Variants in TULP4 observed in about 807,000 individuals in gnomAD.
The protein encoded by TULP4 is TUB like protein 4, also known as tubby-related protein 4.
In TULP4, 16 loss-of-function variants were observed where a neutral mutation model predicts 129.0. The observed-to-expected ratio is 0.12, with a 90% CI of 0.08 to 0.19. The LOEUF (loss-of-function observed/expected upper bound fraction) is 0.19. TULP4 is among the 10% of genes least tolerant of loss of function. TULP4 has a pLI of 1.00. For missense variants in TULP4, 1,842 were observed against 2,059.1 expected (o/e 0.89, Z 2.04); for synonymous variants, 998 against 854.0 (o/e 1.17, Z -2.94).
chr6:158,237,480 G>T (rs1376915492), intron 1 of TULP4: 22 of 1,536,640 alleles, frequency 1.4e-5, no homozygotes, highest in Non-Finnish European at 1.9e-5. Context: ...GTCTTGGGGA[G>T]GTGGGTGGGC....
chr6:158,463,649 A>AAAATAT (rs376226640), intron 6 of TULP4, among the ~76,000 whole-genome samples: 1 of 137,810 alleles, frequency 7.3e-6, no homozygotes, highest in African/African-American at 2.7e-5. Flanking sequence ...GTATAATAAA[A>AAAATAT]ATATATATAT....
chr6:158,401,184 C>T (rs1212916965), intron 1 of TULP4, among the ~76,000 whole-genome samples: 1 of 152,010 alleles, frequency 6.6e-6, no homozygotes. Context: ...AGTCATCCTC[C>T]CACCTCAGCC....
chr6:158,468,743 A>G (rs941826398), intron 6 of TULP4, among the ~76,000 whole-genome samples: 1 of 152,204 alleles, frequency 6.6e-6, no homozygotes, highest in Admixed American at 6.5e-5. Flanking sequence ...TAATTCTCAC[A>G]GTTTTGGAGG....
chr6:158,408,162 G>C (rs758593398), intron 1 of TULP4, among the ~76,000 whole-genome samples: 1 of 152,178 alleles, frequency 6.6e-6, no homozygotes, highest in South Asian at 2.1e-4. Flanking sequence ...GCAGTGTACC[G>C]TATGGGCCGG....
chr6:158,376,966 A>T (rs1260021788), intron 1 of TULP4, among the ~76,000 whole-genome samples: 2 of 152,250 alleles, frequency 1.3e-5, no homozygotes, highest in African/African-American at 4.8e-5. Flanking sequence ...TTGATGGAAA[A>T]GTAAAACTGC....
At chr6:158,308,938 C>A, upstream of TULP4, among the ~76,000 whole-genome samples, 1 of 139,290 alleles carries the variant, frequency 7.2e-6, no homozygotes, top group African/African-American at 2.7e-5. Context: ...GGGGGGCTGA[C>A]CCACCCACCT....
intron 1 of TULP4, among the ~76,000 whole-genome samples, chr6:158,333,733 C>T (rs931587917): frequency 5.3e-5 from 8 of 151,976 alleles, no homozygotes; most frequent in East Asian, 3.8e-4. Context: ...ATTAAGAAAA[C>T]GTGTCATGAA....
intron 1 of TULP4, among the ~76,000 whole-genome samples, chr6:158,320,565 A>G (rs1243787180): frequency 2.0e-5 from 3 of 151,276 alleles, no homozygotes; most frequent in South Asian, 2.1e-4. Flanking sequence ...CTGAGTAGCT[A>G]TGATTACAGG....
intron 10 of TULP4, among the ~76,000 whole-genome samples, chr6:158,494,197 G>A (rs1780276452): frequency 6.6e-6 from 1 of 152,162 alleles, no homozygotes; most frequent in Non-Finnish European, 1.5e-5. Context: ...GACACACCTG[G>A]TGTAGAGCTA....
intron 5 of TULP4, among the ~76,000 whole-genome samples, chr6:158,457,887 T>C (rs897362638): frequency 6.6e-6 from 1 of 151,510 alleles, no homozygotes; most frequent in East Asian, 1.9e-4. Context: ...TACGTGCCCC[T>C]TTTTTTCAGT....
rs1305245876 is a variant in TULP4, at chr6:158,502,175, C to T, written c.2512C>T (p.Pro838Ser). Residue 838 changes from proline (P) to serine (S), a missense_variant, in exon 13 of 14, where the codon CCA becomes TCA. Physicochemically the swap from Pro to Ser is moderately conservative, Grantham distance 74 (BLOSUM62 -1). This residue lies in a region of TULP4 where 1,089 missense variants were observed against 987.1 expected (regional missense o/e 1.10). Coordinates refer to ENST00000367097, the MANE Select transcript of TULP4 (RefSeq NM_020245.5). Reference protein sequence around the residue: ...VTKINPPPPYPGTIPAAPTTA... With the variant: ...VTKINPPPPYSGTIPAAPTTA... Reference sequence around the variant, plus strand: ...GAAGATAAACCCTCCACCCCCGTACCCAGGAACCATCCCCGCTGCCCCCAC... The same window carrying T: ...GAAGATAAACCCTCCACCCCCGTACTCAGGAACCATCCCCGCTGCCCCCAC... 2 of 1,559,160 alleles carry T rather than the reference C, an allele frequency of 1.3e-6. No homozygotes were observed. Among genetic ancestry groups the T allele is most frequent in the African/African-American group, 1.4e-5 (1 of 73,584 alleles).
chr6:158,457,080 A>T (rs1437481306), intron 5 of TULP4, among the ~76,000 whole-genome samples: 1 of 152,108 alleles, frequency 6.6e-6, no homozygotes, highest in Admixed American at 6.6e-5. Flanking sequence ...ACTGTTGGAG[A>T]CGGCACATGG....
chr6:158,272,465 C>T (rs1020081666), intron 1 of TULP4, among the ~76,000 whole-genome samples: 3 of 152,124 alleles, frequency 2.0e-5, no homozygotes, highest in African/African-American at 7.2e-5. Context: ...GCTGTGGAAC[C>T]TCAGCATCCC....
intron 3 of TULP4, among the ~76,000 whole-genome samples, chr6:158,444,989 T>G (rs1030247626): frequency 6.6e-6 from 1 of 152,076 alleles, no homozygotes; most frequent in African/African-American, 2.4e-5. Flanking sequence ...ATCTTTTTGT[T>G]TTTTTTAGAG....
At chr6:158,399,675 G>A (rs1161532852) in intron 1 of TULP4, among the ~76,000 whole-genome samples, 5 of 125,980 alleles carry the variant, frequency 4.0e-5, no homozygotes, top group Admixed American at 7.7e-5. Flanking sequence ...CATACATAAC[G>A]CTTATTGAAT....
rs905270552 is a variant in TULP4, at chr6:158,248,069, G to A, written n.68+15766G>A. On this transcript the variant is annotated intron_variant and non_coding_transcript_variant, in intron 1 of 1. Transcript: ENST00000620026. ...TCAGCCAAAGCTGACATTTTCGGCA[G>A]AGTTACTGTTTAGAGTTGTTAAATA... is the stretch of plus-strand genomic sequence containing the variant. Among the ~76,000 whole-genome samples, 4 of 152,208 alleles carry A rather than the reference G, an allele frequency of 2.6e-5. No individual in the cohort carries two copies. In the East Asian group the frequency reaches 7.7e-4, roughly 29 times the overall value.
chr6:158,235,270 A>T (rs1477340689), intron 1 of TULP4, among the ~76,000 whole-genome samples: 1 of 152,134 alleles, frequency 6.6e-6, no homozygotes, highest in Non-Finnish European at 1.5e-5. Flanking sequence ...TCTGTCCAGA[A>T]CTTTGTTCAG....
chr6:158,376,067 GA>G (rs1777180228), intron 1 of TULP4, among the ~76,000 whole-genome samples: 1 of 152,158 alleles, frequency 6.6e-6, no homozygotes, highest in Admixed American at 6.5e-5. Flanking sequence ...ACAGCAGCTG[GA>G]GGAGCAGAGC....
At chr6:158,250,157 CTTTTTTT>C (rs1242045230) in intron 1 of TULP4, among the ~76,000 whole-genome samples, 1 of 139,844 alleles carries the variant, frequency 7.2e-6, no homozygotes, top group Non-Finnish European at 1.6e-5. Context: ...CTTTTCTTTT[CTTTTTTT>C]TTTTTTTGTT....
Sources: gnomAD v4.1 joint callset for allele counts (sites outside exome capture counted in the v4.1 genomes callset) on GRCh38, gnomAD v4.1.1 for gene constraint, gnomAD v4.1.1 regional missense constraint, MANE v1.5 for transcripts, NCBI Gene and HGNC (gene_info 2026-07-23, HGNC 2026-07-21) for gene names.